TCHP: variants seen among roughly 807,000 people sequenced by gnomAD.
TCHP encodes the protein trichoplein keratin filament-binding protein.
In TCHP, 81 loss-of-function variants were observed where a neutral mutation model predicts 88.7. That is an observed-to-expected ratio of 0.91 (90% CI 0.76 to 1.10). The LOEUF is 1.10. TCHP is among the 50% of genes least tolerant of loss of function. The pLI is 0.00. For missense variants in TCHP, 641 were observed against 632.1 expected, an observed-to-expected ratio of 1.01 and a Z score of -0.15; for synonymous variants, 232 against 232.5, an observed-to-expected ratio of 1.00 and a Z score of 0.02.
At chr12:109,897,756 C>T (rs1307676831), upstream of TCHP, among the ~76,000 whole-genome samples, 1 of 152,070 alleles carries the variant, frequency 6.6e-6, no homozygotes, top group Non-Finnish European at 1.5e-5. Context: ...CAAGGTTTCG[C>T]CACGTTGGCC....
intron 12 of TCHP, 23 bp from the exon 13 acceptor site, chr12:109,916,568 T>G: frequency 1.2e-6 from 2 of 1,611,770 alleles, no homozygotes; most frequent in Non-Finnish European, 1.7e-6. Flanking sequence ...CTGATCACTC[T>G]TATGTTTTCT....
rs11068851 is a variant in TCHP, at chr12:109,903,512, C to T, written c.188+298C>T. The stretch of plus-strand genomic sequence containing the variant: ...ACATATCCTTCCATGCTGTTTCCCA[C>T]TGGTATTTGTGCTTAAATATACACA... On this transcript the variant is annotated intron_variant, in intron 2 of 12. Transcript: ENST00000405876. This position sits in a 1 kb window ranked among gnomAD's most constrained non-coding sequence, Gnocchi z 4.6. 0.17 allele frequency among the ~76,000 whole-genome samples: 25,515 copies of T among 152,176 alleles called. 3,677 individuals are homozygous for T. Among genetic ancestry groups the T allele is most frequent in the African/African-American group, 0.4 (16,436 of 41,478 alleles).
chr12:109,894,486 C>G, the TCHP span, among the ~76,000 whole-genome samples: 6 of 143,670 alleles, frequency 4.2e-5, no homozygotes, highest in Non-Finnish European at 7.5e-5. Flanking sequence ...AAAAAAAAGG[C>G]CGGGTGCAGT....
At chr12:109,895,888 G>A (rs566944482), upstream of TCHP, among the ~76,000 whole-genome samples, 3 of 152,246 alleles carry the variant, frequency 2.0e-5, no homozygotes, top group African/African-American at 7.2e-5. Context: ...CCTGCACGCC[G>A]TAGTCATTGA....
chr12:109,903,315 T>G lies in TCHP; in HGVS notation c.188+101T>G. 1 of 1,097,820 alleles carries G rather than the reference T, an allele frequency of 9.1e-7. No homozygotes were observed. The highest frequency in any genetic ancestry group is 1.3e-6 in the Non-Finnish European group (1 of 770,624). The allele number at this position is 1,097,820 out of a possible 1,614,324, so 68.0% of individuals were successfully genotyped here. A position where few individuals can be genotyped will look rare whatever the true frequency, so the allele number is the denominator to read the frequency against. ...AGGGAGCGTAGGATTTGCCAGGCAG[T>G]ATGAATTACCTGCATGGTGATGTTT... On this transcript the variant is annotated intron_variant, in intron 2 of 12. Coordinates refer to ENST00000405876, the MANE Select transcript of TCHP (RefSeq NM_001143852.2). The surrounding 1 kb of genome is among the most constrained non-coding windows in gnomAD (Gnocchi z 4.6).
intron 5 of TCHP, among the ~76,000 whole-genome samples, chr12:109,906,950 G>C (rs965043647): frequency 1.4e-4 from 22 of 152,230 alleles, no homozygotes; most frequent in Non-Finnish European, 2.6e-4. Flanking sequence ...GTGCAGTGGC[G>C]CGACTCACAG....
intron 3 of TCHP, 125 bp downstream of exon 3, chr12:109,904,272 C>T (rs544544312): frequency 2.0e-5 from 17 of 829,566 alleles, no homozygotes; most frequent in Non-Finnish European, 2.8e-5. Context: ...CCAGAGCCAG[C>T]AGGAAAAGAG....
At chr12:109,908,400 G>A (rs573482967) in intron 6 of TCHP, among the ~76,000 whole-genome samples, 186 bp from the exon 7 acceptor site, 1 of 152,298 alleles carries the variant, frequency 6.6e-6, no homozygotes, top group South Asian at 2.1e-4. Context: ...GCTCAGAAAG[G>A]CCCTTGCAGG....
In TCHP at chr12:109,908,251, G is replaced by A. The variant is rs540051008; in HGVS notation, c.700-335G>A. 3.3e-5 allele frequency among the ~76,000 whole-genome samples: 5 copies of A among 152,308 alleles called. No homozygotes were observed. The East Asian group carries it at 9.6e-4, about 29-fold the overall frequency. ...CTGCTTATTCTAGGTGCTGAGCACT[G>A]GGTTGGGAACTAGAGATAGAGCCTG... On this transcript the variant is annotated intron_variant, in intron 6 of 12. Coordinates refer to ENST00000405876, the MANE Select transcript of TCHP (RefSeq NM_001143852.2).
chr12:109,909,977 A>G (rs1353998536), intron 8 of TCHP, among the ~76,000 whole-genome samples: 1 of 152,028 alleles, frequency 6.6e-6, no homozygotes, highest in Non-Finnish European at 1.5e-5. Flanking sequence ...AACAAGAACA[A>G]CAACAACAAA....
rs368863981 is a variant in TCHP, at chr12:109,907,521, T to C, written c.526-5T>C. Reference sequence around the variant, plus strand: ...ATTGACCTGTGTTCATTTGGTCCCTTGTAGCAAGAAGCCACCGCAGAGCAA... The same window carrying C: ...ATTGACCTGTGTTCATTTGGTCCCTCGTAGCAAGAAGCCACCGCAGAGCAA... On this transcript the variant is annotated splice_polypyrimidine_tract_variant and splice_region_variant and intron_variant, in intron 5 of 12. Transcript: ENST00000405876. The C allele has an allele frequency of 6.2e-6, 10 of 1,613,796 alleles. No homozygotes were observed. Among genetic ancestry groups the C allele is most frequent in the Non-Finnish European group, 8.5e-6 (10 of 1,179,902 alleles).
Position 109,912,913 on chromosome 12 carries a change from G to T in TCHP, c.1053-78G>T. 5 of 1,205,704 alleles carry T rather than the reference G, an allele frequency of 4.1e-6. No homozygotes were observed. In the South Asian group the frequency reaches 6.1e-5, roughly 15 times the overall value. The allele number at this position is 1,205,704 out of a possible 1,614,324, so 74.7% of individuals were successfully genotyped here. On this transcript the variant is annotated intron_variant, in intron 9 of 12. Transcript: ENST00000405876. ...TGGTCCTGCAGAAGCCATGTGCCCT[G>T]CAGCCCTGTCTGTTCCGTAGCTCGC...
the TCHP span, among the ~76,000 whole-genome samples, chr12:109,885,251 T>C: frequency 6.6e-6 from 1 of 152,196 alleles, no homozygotes; most frequent in East Asian, 1.9e-4. Context: ...ATTACAGGCG[T>C]AAGCCACCGA....
rs1869949494 is a variant in TCHP at position 109,903,723 on chromosome 12, C to T, written c.189-214C>T. ...GGATTTATGTGATGGATAATATATA[C>T]ATTATTTATACATTTATACATTTTC... On this transcript the variant is annotated intron_variant, in intron 2 of 12. Coordinates refer to ENST00000405876, the MANE Select transcript of TCHP (RefSeq NM_001143852.2). The surrounding 1 kb of genome is among the most constrained non-coding windows in gnomAD (Gnocchi z 4.6). Among the ~76,000 whole-genome samples the T allele has an allele frequency of 3.3e-5, 5 of 152,154 alleles. No homozygotes were observed. The highest frequency in any genetic ancestry group is 2.0e-4 in the Admixed American group (3 of 15,286).
chr12:109,895,907 T>C (rs773438855), upstream of TCHP, among the ~76,000 whole-genome samples: 11 of 152,182 alleles, frequency 7.2e-5, no homozygotes, highest in African/African-American at 1.7e-4. Flanking sequence ...GACCTGTCAT[T>C]GAATATTTCA....
In TCHP at chr12:109,917,561, A is replaced by G. The variant is rs904129021; in HGVS notation, c.*938A>G. On this transcript the variant is annotated 3_prime_UTR_variant, in exon 13 of 13. Transcript: ENST00000405876. ...TGGCTACTACATGTAGCCTTCTGGG[A>G]TATATGTGCCCAGAGGGAGAAGCAC... The G allele has an allele frequency of 6.6e-6, 1 of 152,450 alleles. No homozygotes were observed. Among genetic ancestry groups the G allele is most frequent in the Non-Finnish European group, 1.5e-5 (1 of 68,018 alleles). 9.4% of individuals were successfully genotyped at this position (152,450 alleles called of 1,614,324 possible). A position where few individuals can be genotyped will look rare whatever the true frequency, so the allele number is the denominator to read the frequency against.
intron 10 of TCHP, 141 bp from the exon 11 acceptor site, chr12:109,914,301 T>G: frequency 1.5e-6 from 1 of 676,526 alleles, no homozygotes; most frequent in Non-Finnish European, 2.5e-6. Context: ...TCCTGTCATC[T>G]GGCTCTGCCT....
In TCHP at chr12:109,916,676, C is replaced by T. The variant is rs1870837565; in HGVS notation, c.*53C>T. On this transcript the variant is annotated 3_prime_UTR_variant, in exon 13 of 13. Transcript: ENST00000405876. ...CAAGGGATGCTGAGGCTTCTGATCC[C>T]AGCCGCCAGGCAGTTTTACAGGGCT... is the stretch of plus-strand genomic sequence containing the variant. 2 of 1,587,606 alleles carry T rather than the reference C, an allele frequency of 1.3e-6. No individual in the cohort carries two copies. The highest frequency in any genetic ancestry group is 1.1e-5 in the South Asian group (1 of 87,884).
Position 109,903,009 on chromosome 12 carries a change from T to C in TCHP, c.1-18T>C, listed in dbSNP as rs751921263. Reference sequence around the variant, plus strand: ...TGGGATTTGCAGTGGCTCACTTTCCTCCCATTCCTGTTCTCAGATGGCGCT... The same window carrying C: ...TGGGATTTGCAGTGGCTCACTTTCCCCCCATTCCTGTTCTCAGATGGCGCT... On this transcript the variant is annotated intron_variant, in intron 1 of 12. Coordinates refer to ENST00000405876, the MANE Select transcript of TCHP (RefSeq NM_001143852.2). The surrounding 1 kb of genome is among the most constrained non-coding windows in gnomAD (Gnocchi z 4.6). The C allele has an allele frequency of 6.3e-7, 1 of 1,583,408 alleles. No individual in the cohort carries two copies. The highest frequency in any genetic ancestry group is 1.8e-5 in the Admixed American group (1 of 55,054).
Sources: gnomAD v4.1 joint callset for allele counts (sites outside exome capture counted in the v4.1 genomes callset) on GRCh38, gnomAD v4.1.1 for gene constraint, Gnocchi (gnomAD v3.1) non-coding constraint, MANE v1.5 for transcripts, NCBI Gene and HGNC (gene_info 2026-07-23, HGNC 2026-07-21) for gene names.